Variants in TNFRSF10A observed in about 807,000 individuals in gnomAD.
TNFRSF10A encodes the protein tumor necrosis factor receptor superfamily member 10A.
TNFRSF10A carries 44 observed loss-of-function variants against 42.8 expected under a neutral mutation model. The observed-to-expected ratio is 1.03, with a 90% CI of 0.81 to 1.32. TNFRSF10A has a LOEUF of 1.32. Among genes scored for constraint, TNFRSF10A ranks in the 40% most tolerant of loss-of-function variants. The pLI is 0.00. For synonymous variants in TNFRSF10A, 259 were observed against 234.2 expected (o/e 1.11, Z -0.97); for missense variants, 680 against 602.0 (o/e 1.13, Z -1.36).
rs553124891 is a variant in TNFRSF10A at position 23,200,454 on chromosome 8, A to C, written c.799+51T>G. On this transcript the variant is annotated intron_variant, in intron 6 of 9. Coordinates refer to ENST00000221132, the MANE Select transcript of TNFRSF10A (RefSeq NM_003844.4). ...GAGCGTTTCTGTCTGTGGGAACAGAAGAAGGCAGGGCAGAGAGTGCCCAGA... is the reference window on the plus strand; with the variant it reads ...GAGCGTTTCTGTCTGTGGGAACAGACGAAGGCAGGGCAGAGAGTGCCCAGA... 3.1e-6 allele frequency: 5 copies of C among 1,600,356 alleles called. No individual in the cohort carries two copies. In the African/African-American group the frequency reaches 6.7e-5, roughly 21 times the overall value.
chr8:23,204,808 T>C (rs531817162), intron 2 of TNFRSF10A, among the ~76,000 whole-genome samples: 2 of 152,068 alleles, frequency 1.3e-5, no homozygotes, highest in African/African-American at 4.8e-5. Flanking sequence ...AATAACCAAC[T>C]GGTCTAAAAA....
Position 23,224,487 on chromosome 8 carries a change from G to C in TNFRSF10A, c.306+269C>G, listed in dbSNP as rs549887281. On this transcript the variant is annotated intron_variant, in intron 1 of 9. Transcript: ENST00000221132. ...ATACATCGTGAGGTGTGGGCAGGAG[G>C]GAGACGCGCCAGGCAGCAGCCAACG... The C allele has an allele frequency of 1.1e-4, 59 of 514,190 alleles. 1 individual carries two copies. In the South Asian group the frequency reaches 1.2e-3, roughly 11 times the overall value. The allele number at this position is 514,190 out of a possible 1,614,324, so 31.9% of individuals were successfully genotyped here.
intron 3 of TNFRSF10A, among the ~76,000 whole-genome samples, chr8:23,202,181 T>C (rs1800939506): frequency 1.3e-5 from 2 of 152,158 alleles, no homozygotes; most frequent in African/African-American, 2.4e-5. Context: ...TTAGATCGCA[T>C]GGTCAGTAGC....
chr8:23,199,287 T>C lies in TNFRSF10A; in HGVS notation c.993A>G (p.Pro331=). 2 of 1,614,076 alleles carry C rather than the reference T, an allele frequency of 1.2e-6. No homozygotes were observed. Among genetic ancestry groups the C allele is most frequent in the Non-Finnish European group, 1.7e-6 (2 of 1,179,962 alleles). ...TCACCAGCAGACACTGTGCCTCCCC[T>C]GGGGACTGTACAGTGACACCTGTCA... ...ADLTGVTVQS[P]GEAQCLLGPA... The change falls in exon 8 of 10, where the codon CCA becomes CCG. Residue 331 remains proline, a synonymous_variant. Coordinates refer to ENST00000221132, the MANE Select transcript of TNFRSF10A (RefSeq NM_003844.4).
Position 23,191,835 on chromosome 8 carries a change from G to A in TNFRSF10A, c.1266C>T (p.Asn422=), listed in dbSNP as rs780730081. 9 of 1,612,626 alleles carry A rather than the reference G, an allele frequency of 5.6e-6. No individual in the cohort carries two copies. The highest frequency in any genetic ancestry group is 3.3e-5 in the Admixed American group (2 of 59,822). The change falls in exon 10 of 10, where the codon AAC becomes AAT. Residue 422 remains asparagine (N), a synonymous_variant. Coordinates refer to ENST00000221132, the MANE Select transcript of TNFRSF10A (RefSeq NM_003844.4). ...CATCCAGCAGGGTGTGGATCGAGGC[G>A]TTCCGTCCAGTTTTGTTGACCCATT... ...LMKWVNKTGR[N]ASIHTLLDAL... is the part of the protein sequence containing the mutation.
Position 23,191,871 on chromosome 8 carries a change from T to C in TNFRSF10A, c.1230A>G (p.Ala410=). 1 of 1,614,102 alleles carries C rather than the reference T, an allele frequency of 6.2e-7. No homozygotes were observed. Among genetic ancestry groups the C allele is most frequent in the Non-Finnish European group, 8.5e-7 (1 of 1,180,016 alleles). The change falls in exon 10 of 10, where the codon GCA becomes GCG. Residue 410 remains alanine (A), a synonymous_variant. Transcript: ENST00000221132. The part of the protein sequence containing the change: ...GTAGPGDALY[A]MLMKWVNKTG... Reference sequence around the variant, plus strand: ...TTTTGTTGACCCATTTCATCAGCATTGCATACAAGGCATCCCCTGGGCCTG... The same window carrying C: ...TTTTGTTGACCCATTTCATCAGCATCGCATACAAGGCATCCCCTGGGCCTG...
intron 6 of TNFRSF10A, 67 bp downstream of exon 6, chr8:23,200,438 T>C: frequency 1.6e-5 from 25 of 1,573,578 alleles, no homozygotes; most frequent in Non-Finnish European, 2.2e-5. Flanking sequence ...TGAGCGTTTC[T>C]GTCTGTGGGA....
chr8:23,206,291 T>C (rs1801007011), intron 2 of TNFRSF10A, among the ~76,000 whole-genome samples: 1 of 152,214 alleles, frequency 6.6e-6, no homozygotes, highest in Admixed American at 6.5e-5. Flanking sequence ...ACAGTGTTTA[T>C]AAAGTCCATA....
Position 23,224,750 on chromosome 8 carries a change from A to T in TNFRSF10A, c.306+6T>A, listed in dbSNP as rs1801311203. 2.6e-6 allele frequency: 4 copies of T among 1,560,254 alleles called. No individual in the cohort carries two copies. Among genetic ancestry groups the T allele is most frequent in the Admixed American group, 1.9e-5 (1 of 51,580 alleles). On this transcript the variant is annotated splice_donor_region_variant and intron_variant, in intron 1 of 9. Transcript: ENST00000221132. ...TTCCCCAGGCAGGACCGCGGTGGGG[A>T]CTCACCTGCAGCAGGACCCCGACGA...
intron 9 of TNFRSF10A, among the ~76,000 whole-genome samples, 180 bp from the exon 10 acceptor site, chr8:23,192,193 G>A (rs1260511053): frequency 6.6e-6 from 1 of 152,130 alleles, no homozygotes; most frequent in Non-Finnish European, 1.5e-5. Flanking sequence ...CACACTGCCT[G>A]GCCTCTGTGG....
chr8:23,224,569 C>T (rs1801306751), intron 1 of TNFRSF10A, 187 bp downstream of exon 1: 2 of 720,560 alleles, frequency 2.8e-6, no homozygotes, highest in African/African-American at 1.9e-5. Context: ...CCTCCAGGCC[C>T]GGGTCGCTCC....
chr8:23,224,344 G>A (rs1241050008), intron 1 of TNFRSF10A: 1 of 173,886 alleles, frequency 5.8e-6, no homozygotes, highest in African/African-American at 2.4e-5. Context: ...AAGAAGGACG[G>A]GGGTGGGGAG....
intron 2 of TNFRSF10A, among the ~76,000 whole-genome samples, chr8:23,210,217 G>A (rs1801075152): frequency 6.6e-6 from 1 of 152,140 alleles, no homozygotes; most frequent in African/African-American, 2.4e-5. Flanking sequence ...TAAATTGCCA[G>A]CTTTGGGTAT....
chr8:23,221,148 G>A (rs1191435193), intron 1 of TNFRSF10A, among the ~76,000 whole-genome samples: 1 of 152,210 alleles, frequency 6.6e-6, no homozygotes, highest in Non-Finnish European at 1.5e-5. Flanking sequence ...GCTGGGTAGA[G>A]GACAGGTGCT....
intron 2 of TNFRSF10A, among the ~76,000 whole-genome samples, chr8:23,203,864 C>T (rs1459587944): frequency 6.6e-6 from 1 of 151,650 alleles, no homozygotes; most frequent in Non-Finnish European, 1.5e-5. Flanking sequence ...GTAACCTCCG[C>T]CTCCTGGGTT....
chr8:23,222,226 G>C (rs573236067), intron 1 of TNFRSF10A, among the ~76,000 whole-genome samples: 5 of 152,180 alleles, frequency 3.3e-5, no homozygotes, highest in African/African-American at 1.2e-4. Flanking sequence ...ATCTTCTCCC[G>C]AAGTACAATT....
At chr8:23,196,319 G>A (rs935805724) in intron 9 of TNFRSF10A, among the ~76,000 whole-genome samples, 34 of 152,044 alleles carry the variant, frequency 2.2e-4, no homozygotes, top group African/African-American at 5.5e-4. Context: ...TCAGCCTCCC[G>A]AATAGCTGGG....
rs1040148065 is a variant in TNFRSF10A, at chr8:23,201,847, T to C, written c.590A>G (p.Asn197Ser). 1.1e-5 allele frequency: 18 copies of C among 1,612,908 alleles called. No individual in the cohort carries two copies. The highest frequency in any genetic ancestry group is 8.3e-5 in the Admixed American group (5 of 59,962). Residue 197 changes from asparagine (N) to serine (S), a missense_variant, in exon 4 of 10, where the codon AAT becomes AGT. Physicochemically the swap from Asn to Ser is conservative, Grantham distance 46. Transcript: ENST00000221132. ...ACQCKPGTFR[N>S]DNSAEMCRKC... ...CCGGCACATCTCAGCAGAATTGTCA[T>C]TCCGGAAAGTTCCTGGTTTGCACTG... is the stretch of plus-strand genomic sequence containing the variant.
intron 8 of TNFRSF10A, among the ~76,000 whole-genome samples, chr8:23,197,558 C>T (rs1563377581): frequency 6.6e-6 from 1 of 152,126 alleles, no homozygotes; most frequent in East Asian, 1.9e-4. Flanking sequence ...CATCTCGTTG[C>T]AGGAAAACAA....
Sources: allele counts gnomAD v4.1 joint callset (sites outside exome capture counted in the v4.1 genomes callset), GRCh38; gene constraint gnomAD v4.1.1; transcripts MANE v1.5; gene names NCBI Gene and HGNC (gene_info 2026-07-23, HGNC 2026-07-21).